The following CEP85L variants were observed in gnomAD, a reference collection of about 807,000 sequenced individuals.
The protein encoded by CEP85L is centrosomal protein of 85 kDa-like.
A neutral mutation model predicts 100.3 loss-of-function variants in CEP85L; 60 were observed. The observed-to-expected ratio is 0.60, with a 90% confidence interval of 0.49 to 0.74. The LOEUF is 0.74. Ranked by LOEUF, CEP85L falls within the 30% of genes least tolerant of loss-of-function variation. The pLI is 0.00. For synonymous variants in CEP85L, 319 were observed against 322.7 expected, an observed-to-expected ratio of 0.99 and a Z score of 0.12; for missense variants, 973 against 936.2, an observed-to-expected ratio of 1.04 and a Z score of -0.51.
chr6:118,689,434 A>G (rs62423969), intron 1 of CEP85L, among the ~76,000 whole-genome samples: 33,856 of 152,158 alleles, frequency 0.22, 4,824 homozygotes, highest in Non-Finnish European at 0.32. Context: ...TTTTGTGAGG[A>G]AAATGGTCTC....
intron 1 of CEP85L, among the ~76,000 whole-genome samples, chr6:118,672,935 T>G (rs962561318): frequency 2.6e-5 from 4 of 152,076 alleles, no homozygotes; most frequent in African/African-American, 9.7e-5. Context: ...AGCTCCCATG[T>G]GTCTACATTA....
intron 3 of CEP85L, among the ~76,000 whole-genome samples, chr6:118,553,667 TC>T (rs1346416447): frequency 6.6e-6 from 1 of 152,226 alleles, no homozygotes; most frequent in Non-Finnish European, 1.5e-5. Flanking sequence ...CCAATTTGTT[TC>T]CAGAAACAAA....
chr6:118,524,708 T>C (rs1320092597), intron 3 of CEP85L, among the ~76,000 whole-genome samples: 2 of 152,216 alleles, frequency 1.3e-5, no homozygotes, highest in Non-Finnish European at 2.9e-5. Context: ...ATATTTTCAC[T>C]CAGTAGTGAG....
intron 5 of CEP85L, among the ~76,000 whole-genome samples, chr6:118,510,391 C>CTA (rs111305500): frequency 0.029 from 4,411 of 151,834 alleles, 215 homozygotes; most frequent in African/African-American, 0.1. Context: ...AAGCAAAAAC[C>CTA]TACAACCTAA....
In CEP85L at chr6:118,496,604, C is replaced by T. The variant is rs544394171; in HGVS notation, c.1258-4739G>A. Among the ~76,000 whole-genome samples the T allele has an allele frequency of 6.5e-4, 99 of 152,192 alleles. No homozygotes were observed. The Middle Eastern group carries it at 0.01, about 16-fold the overall frequency. On this transcript the variant is annotated intron_variant, in intron 5 of 12. Transcript: ENST00000368491. ...TCCTGACCTCGTGATCCACCCACCT[C>T]GGCCTCCCAAAGTGCTGGGATTACA...
intron 3 of CEP85L, among the ~76,000 whole-genome samples, chr6:118,558,660 C>G (rs441037): frequency 0.19 from 23,272 of 121,686 alleles, 2,496 homozygotes; most frequent in Non-Finnish European, 0.23. Context: ...CACACACACA[C>G]AGAGAGAGAG....
At chr6:118,538,024 T>C (rs1777695083) in intron 3 of CEP85L, 2 of 631,932 alleles carry the variant, frequency 3.2e-6, no homozygotes, top group African/African-American at 4.0e-5. Flanking sequence ...AAAGAATCTT[T>C]ATTCACCAAG....
intron 3 of CEP85L, among the ~76,000 whole-genome samples, chr6:118,526,613 A>C (rs1562230402): frequency 6.6e-6 from 1 of 152,220 alleles, no homozygotes; most frequent in Non-Finnish European, 1.5e-5. Flanking sequence ...GTTTCACAAG[A>C]TACAGGTCAC....
At chr6:118,584,126 T>C (rs1408087034) in intron 2 of CEP85L, among the ~76,000 whole-genome samples, 1 of 152,202 alleles carries the variant, frequency 6.6e-6, no homozygotes, top group Non-Finnish European at 1.5e-5. Context: ...AGTTAAGGTC[T>C]TGCAGTATGT....
intron 1 of CEP85L, chr6:118,709,964 C>G (rs1269750655): frequency 6.6e-6 from 1 of 151,916 alleles, no homozygotes; most frequent in Non-Finnish European, 1.5e-5. Flanking sequence ...AAAAATAAAT[C>G]AGGGTGTAGT....
chr6:118,668,380 A>T (rs1776195292), intron 1 of CEP85L, among the ~76,000 whole-genome samples: 1 of 152,232 alleles, frequency 6.6e-6, no homozygotes, highest in Non-Finnish European at 1.5e-5. Context: ...TTGCACTGAT[A>T]TATACACCCA....
In CEP85L at chr6:118,702,920, T is replaced by C. The variant is rs568923898; in HGVS notation, c.-28+7116A>G. Among the ~76,000 whole-genome samples, 128 of 144,016 alleles carry C rather than the reference T, an allele frequency of 8.9e-4. 1 individual carries two copies. The highest frequency in any genetic ancestry group is 3.0e-3 in the African/African-American group (113 of 38,006). 94.5% of individuals were successfully genotyped at this position (144,016 alleles called of 152,430 possible). A position where few individuals can be genotyped will look rare whatever the true frequency, so the allele number is the denominator to read the frequency against. ...CTGAGGCAGGAGAATGGCATGAACC[T>C]GGGAGGCGGAGCTTGCAGTGAGCCG... On this transcript the variant is annotated intron_variant, in intron 1 of 13. Coordinates refer to the CEP85L transcript ENST00000368488.
rs183637137 is a variant in CEP85L at position 118,642,732 on chromosome 6, G to A, written c.73+8465C>T. Among the ~76,000 whole-genome samples, 1,284 of 151,964 alleles carry A rather than the reference G, an allele frequency of 8.4e-3. 17 individuals carry two copies. Among genetic ancestry groups the A allele is most frequent in the African/African-American group, 0.03 (1,235 of 41,434 alleles). ...AGTTCGAGACCAGCCTGGCCAACAC[G>A]GTGAAACCCTGTCTCTACTAAAAAT... On this transcript the variant is annotated intron_variant, in intron 1 of 12. Transcript: ENST00000368491.
At chr6:118,489,652 T>C (rs1207059494) in intron 6 of CEP85L, among the ~76,000 whole-genome samples, 4 of 152,026 alleles carry the variant, frequency 2.6e-5, no homozygotes, top group Non-Finnish European at 5.9e-5. Flanking sequence ...TAACAAATGA[T>C]GGCAAGGATG....
intron 1 of CEP85L, among the ~76,000 whole-genome samples, chr6:118,636,525 G>A (rs1774502170): frequency 6.6e-6 from 1 of 152,198 alleles, no homozygotes; most frequent in Non-Finnish European, 1.5e-5. Flanking sequence ...GGACCATGGG[G>A]TGCCCAGATA....
intron 1 of CEP85L, among the ~76,000 whole-genome samples, chr6:118,640,746 T>A (rs1245528884): frequency 6.6e-6 from 1 of 152,136 alleles, no homozygotes. Context: ...GCCAGGCTGG[T>A]CTCGAACTCC....
intron 12 of CEP85L, among the ~76,000 whole-genome samples, chr6:118,466,485 C>T (rs1265458069): frequency 6.6e-6 from 1 of 152,044 alleles, no homozygotes; most frequent in African/African-American, 2.4e-5. Context: ...CCACTATATA[C>T]AAGTTGCAGT....
At chr6:118,574,717 C>G (rs1328806155) in intron 2 of CEP85L, among the ~76,000 whole-genome samples, 1 of 152,100 alleles carries the variant, frequency 6.6e-6, no homozygotes, top group Non-Finnish European at 1.5e-5. Flanking sequence ...TGTGCACAGA[C>G]CAAAGTAGGA....
At chr6:118,699,179 G>A (rs1205222759) in intron 1 of CEP85L, among the ~76,000 whole-genome samples, 2 of 152,164 alleles carry the variant, frequency 1.3e-5, no homozygotes, top group Admixed American at 1.3e-4. Context: ...TGGGCCAGGT[G>A]CAGTGGCTCA....
Sources: gnomAD v4.1 joint callset for allele counts (sites outside exome capture counted in the v4.1 genomes callset) on GRCh38, gnomAD v4.1.1 for gene constraint, MANE v1.5 for transcripts, NCBI Gene and HGNC (gene_info 2026-07-23, HGNC 2026-07-21) for gene names.